Variants in SGCD observed in about 807,000 individuals in gnomAD.
SGCD encodes delta-sarcoglycan.
In SGCD, 18 loss-of-function variants were observed where a neutral mutation model predicts 36.6. The observed-to-expected ratio is 0.49, with a 90% CI of 0.34 to 0.73. The LOEUF (loss-of-function observed/expected upper bound fraction) is 0.73, where lower values mean the gene tolerates loss of function less well. Among genes scored for constraint, SGCD ranks in the 30% least tolerant of loss-of-function variants. The probability of loss-of-function intolerance (pLI) is 0.01; values close to 1 mark genes in which losing one functional copy is unlikely to be tolerated. For missense variants in SGCD, 387 were observed against 346.7 expected (o/e 1.12, Z -0.92); for synonymous variants, 133 against 130.6 (o/e 1.02, Z -0.12).
chr5:156,473,432 G>A (rs1377439897), intron 3 of SGCD, among the ~76,000 whole-genome samples: 1 of 152,172 alleles, frequency 6.6e-6, no homozygotes, highest in African/African-American at 2.4e-5. Context: ...GGATAGAGAG[G>A]GACATTGTGA....
intron 6 of SGCD, among the ~76,000 whole-genome samples, chr5:156,639,736 T>G (rs1762958614): frequency 6.6e-6 from 1 of 152,186 alleles, no homozygotes; most frequent in Admixed American, 6.6e-5. Flanking sequence ...CCAGCACTGT[T>G]TAACACAGAT....
intron 3 of SGCD, chr5:156,393,619 T>G (rs184513785): frequency 1.5e-4 from 63 of 415,066 alleles, no homozygotes; most frequent in Non-Finnish European, 2.8e-4. Flanking sequence ...GTTAATAGGT[T>G]GAAATTGGCC....
At chr5:156,131,662 C>T (rs1400826199) in intron 3 of SGCD, among the ~76,000 whole-genome samples, 1 of 152,114 alleles carries the variant, frequency 6.6e-6, no homozygotes, top group African/African-American at 2.4e-5. Flanking sequence ...GAATTTGCAA[C>T]CTTGGAATGA....
chr5:156,356,122 T>C (rs1349236578), intron 3 of SGCD, among the ~76,000 whole-genome samples: 1 of 152,234 alleles, frequency 6.6e-6, no homozygotes, highest in Non-Finnish European at 1.5e-5. Context: ...ATAATTGGTC[T>C]GATTATCTAT....
intron 1 of SGCD, among the ~76,000 whole-genome samples, chr5:155,893,434 G>T (rs964748935): frequency 6.6e-6 from 1 of 152,164 alleles, no homozygotes; most frequent in East Asian, 1.9e-4. Context: ...CCTTCCAAAT[G>T]TTGAGAAATG....
rs534244956 is a variant in SGCD, at chr5:156,470,449, C to G, written c.193-38152C>G. ...TGCCGGTGTGCTGCACCCACTAACT[C>G]GTCATTTAGCATTAGTTATATCTCC... On this transcript the variant is annotated intron_variant, in intron 3 of 8. Coordinates refer to ENST00000337851, the MANE Select transcript of SGCD (RefSeq NM_000337.6). Among the ~76,000 whole-genome samples, 4 of 152,050 alleles carry G rather than the reference C, an allele frequency of 2.6e-5. No individual in the cohort carries two copies. The East Asian group carries it at 7.7e-4, about 29-fold the overall frequency.
At chr5:156,384,050 A>G (rs770379921) in intron 3 of SGCD, among the ~76,000 whole-genome samples, 4 of 152,138 alleles carry the variant, frequency 2.6e-5, no homozygotes, top group African/African-American at 4.8e-5. Context: ...CGGTGTGTAC[A>G]TGTTTAGTTG....
intron 1 of SGCD, among the ~76,000 whole-genome samples, chr5:156,107,268 G>C (rs1761671436): frequency 1.3e-5 from 2 of 152,294 alleles, no homozygotes; most frequent in East Asian, 3.9e-4. Flanking sequence ...CTTGGAATAA[G>C]TCTGTAGGTT....
intron 3 of SGCD, among the ~76,000 whole-genome samples, chr5:156,294,156 A>G (rs1242633641): frequency 6.6e-6 from 1 of 152,134 alleles, no homozygotes; most frequent in South Asian, 2.1e-4. Flanking sequence ...AGTGCATAAA[A>G]ATGCAAATGA....
At chr5:155,898,041 T>A (rs991969186) in intron 1 of SGCD, among the ~76,000 whole-genome samples, 1 of 152,238 alleles carries the variant, frequency 6.6e-6, no homozygotes, top group Non-Finnish European at 1.5e-5. Context: ...ATGAACCCTA[T>A]CCAGATTCTT....
At chr5:156,457,712 A>G (rs77020940) in intron 3 of SGCD, among the ~76,000 whole-genome samples, 18,177 of 152,222 alleles carry the variant, frequency 0.12, 1,513 homozygotes, top group African/African-American at 0.24. Context: ...TATGCCGCTC[A>G]TAGTAAGGAC....
intron 3 of SGCD, among the ~76,000 whole-genome samples, chr5:156,174,696 G>A (rs972054187): frequency 6.6e-6 from 1 of 152,194 alleles, no homozygotes; most frequent in African/African-American, 2.4e-5. Flanking sequence ...ATGAGAATGG[G>A]AGGAGCAAGA....
intron 3 of SGCD, among the ~76,000 whole-genome samples, chr5:156,455,783 T>A (rs1754231173): frequency 6.6e-6 from 1 of 152,218 alleles, no homozygotes. Context: ...GGAAATAGAA[T>A]CTTTGCAGAT....
rs540288586 is a variant in SGCD at position 156,251,547 on chromosome 5, G to A, written c.-43-77987G>A. 4.2e-4 allele frequency among the ~76,000 whole-genome samples: 62 copies of A among 149,080 alleles called. No homozygotes were observed. The Middle Eastern group carries it at 0.01, about 25-fold the overall frequency. ...CTTTTTTTTTTTGAGATGGATTCTC[G>A]CTGTGTTGCCAGGCTGAAGTGCAGT... is the stretch of plus-strand genomic sequence containing the variant. On this transcript the variant is annotated intron_variant, in intron 3 of 9. Transcript: ENST00000517913.
chr5:156,356,659 G>A (rs1561642008), intron 3 of SGCD, among the ~76,000 whole-genome samples: 1 of 152,110 alleles, frequency 6.6e-6, no homozygotes, highest in Non-Finnish European at 1.5e-5. Context: ...AGATTGTAAT[G>A]GATTGAATAG....
At chr5:155,862,456 A>G in the SGCD span, among the ~76,000 whole-genome samples, 1 of 151,842 alleles carries the variant, frequency 6.6e-6, no homozygotes, top group Admixed American at 6.6e-5. Context: ...CCTCCTAAGT[A>G]GCTCAGACTA....
chr5:155,928,275 C>A (rs2113386164), intron 1 of SGCD, among the ~76,000 whole-genome samples: 1 of 152,232 alleles, frequency 6.6e-6, no homozygotes, highest in South Asian at 2.1e-4. Flanking sequence ...TGAGTTGCTT[C>A]TTCAGAGGAG....
chr5:156,062,665 G>C (rs1760246130), intron 1 of SGCD, among the ~76,000 whole-genome samples: 1 of 28,860 alleles, frequency 3.5e-5, no homozygotes, highest in African/African-American at 2.1e-4. Context: ...GTTTTGATTT[G>C]CATTTCTCTG....
At chr5:156,032,152 A>T (rs867142269) in intron 1 of SGCD, among the ~76,000 whole-genome samples, 1 of 151,942 alleles carries the variant, frequency 6.6e-6, no homozygotes, top group African/African-American at 2.4e-5. Flanking sequence ...AAAAAAAAAA[A>T]CCTAACAGTA....
Sources: gnomAD v4.1 joint callset for allele counts (sites outside exome capture counted in the v4.1 genomes callset) on GRCh38, gnomAD v4.1.1 for gene constraint, MANE v1.5 for transcripts, NCBI Gene and HGNC (gene_info 2026-07-23, HGNC 2026-07-21) for gene names.